Variants in GFRA3 observed in about 807,000 individuals in gnomAD.
The protein encoded by GFRA3 is GDNF family receptor alpha 3, also known as GDNF family receptor alpha-3.
GFRA3 carries 24 observed loss-of-function variants against 40.0 expected under a neutral mutation model. The observed-to-expected ratio is 0.60, with a 90% CI of 0.43 to 0.84. GFRA3 has a LOEUF of 0.84. Among genes scored for constraint, GFRA3 ranks in the 40% least tolerant of loss-of-function variants. The pLI, the probability that GFRA3 is intolerant of heterozygous loss-of-function variation, is 0.00. For synonymous variants in GFRA3, 203 were observed against 213.5 expected (o/e 0.95, Z 0.43); for missense variants, 405 against 530.6 (o/e 0.76, Z 2.33).
chr5:138,271,327 AAC>A (rs1755866445), intron 1 of GFRA3, among the ~76,000 whole-genome samples: 1 of 152,146 alleles, frequency 6.6e-6, no homozygotes, highest in Admixed American at 6.6e-5. Context: ...TTGAGTTGTA[AAC>A]ATTTTCAAAA....
At position 138,264,402 on chromosome 5, in the gene GFRA3, G is replaced by C. The variant is rs768356926; in HGVS notation, c.238C>G (p.Pro80Ala). Residue 80 changes from proline (P) to alanine (A), a missense_variant, in exon 2 of 8, where the codon CCT (proline) becomes GCT (alanine). Transcript: ENST00000274721. ...SISTPLPSEE[P>A]SVPADCLEAA... ...TCCAGGCAGTCAGCAGGGACCGAAG[G>C]CTCCTCTGAGGGCAGTGGGGTGCTT... The C allele has an allele frequency of 7.4e-6, 12 of 1,614,138 alleles. No homozygotes were observed. Among genetic ancestry groups the C allele is most frequent in the Non-Finnish European group, 1.0e-5 (12 of 1,179,998 alleles).
chr5:138,272,171 A>T (rs1755886117), intron 1 of GFRA3, among the ~76,000 whole-genome samples: 1 of 150,538 alleles, frequency 6.6e-6, no homozygotes, highest in Non-Finnish European at 1.5e-5. Context: ...ATGCCTGGCT[A>T]ATTTTTTCTA....
At chr5:138,271,903 T>G (rs1292710643) in intron 1 of GFRA3, among the ~76,000 whole-genome samples, 8,986 of 94,524 alleles carry the variant, frequency 0.095, 387 homozygotes, top group Non-Finnish European at 0.14. Flanking sequence ...TTTTTTTTTT[T>G]TTTTTTTTTT....
chr5:138,266,464 T>G (rs1442196903), intron 1 of GFRA3, among the ~76,000 whole-genome samples: 1 of 152,228 alleles, frequency 6.6e-6, no homozygotes, highest in Non-Finnish European at 1.5e-5. Flanking sequence ...TAGCCATTTG[T>G]ACATCTTCCT....
intron 1 of GFRA3, among the ~76,000 whole-genome samples, chr5:138,269,325 C>T (rs1054293134): frequency 6.6e-6 from 1 of 151,550 alleles, no homozygotes. Flanking sequence ...CACCTGAGGT[C>T]AGGAGTTCAA....
rs62381801 is a variant in GFRA3, at chr5:138,272,053, T to C, written c.91+2281A>G. 7.5e-3 allele frequency among the ~76,000 whole-genome samples: 1,122 copies of C among 149,444 alleles called. 11 individuals carry two copies. Among genetic ancestry groups the C allele is most frequent in the Non-Finnish European group, 0.013 (879 of 67,366 alleles). On this transcript the variant is annotated intron_variant, in intron 1 of 7. Coordinates refer to ENST00000274721, the MANE Select transcript of GFRA3 (RefSeq NM_001496.4). ...CGGAGTCTCGCTCTGTCACCCAGGCTGGAGTGCAGTGGCGCGATCTCAGCT... is the reference window on the plus strand; with the variant it reads ...CGGAGTCTCGCTCTGTCACCCAGGCCGGAGTGCAGTGGCGCGATCTCAGCT...
intron 2 of GFRA3, among the ~76,000 whole-genome samples, chr5:138,262,651 G>A (rs11950736): frequency 0.18 from 27,157 of 151,932 alleles, 2,540 homozygotes; most frequent in Middle Eastern, 0.19. Flanking sequence ...ATGGGAGCTC[G>A]CTATGTTGTC....
intron 1 of GFRA3, among the ~76,000 whole-genome samples, chr5:138,266,700 T>TC (rs1755790181): frequency 6.6e-6 from 1 of 151,924 alleles, no homozygotes; most frequent in Non-Finnish European, 1.5e-5. Context: ...TCTTTTCTTT[T>TC]TTTTTGAGTC....
At chr5:138,259,780 G>A in intron 2 of GFRA3, 131 bp from the exon 3 acceptor site, 1 of 691,086 alleles carries the variant, frequency 1.4e-6, no homozygotes, top group Non-Finnish European at 2.7e-6. Flanking sequence ...CTAACCAGCT[G>A]CAAGCTGTGC....
At chr5:138,262,603 C>T (rs746200653) in intron 2 of GFRA3, among the ~76,000 whole-genome samples, 21 of 152,080 alleles carry the variant, frequency 1.4e-4, no homozygotes, top group Non-Finnish European at 2.6e-4. Context: ...CAGGTGTGCA[C>T]CACCACACTC....
intron 1 of GFRA3, among the ~76,000 whole-genome samples, chr5:138,265,976 A>G (rs1039237137): frequency 2.6e-5 from 4 of 152,156 alleles, no homozygotes; most frequent in African/African-American, 9.7e-5. Flanking sequence ...GATTACAGGC[A>G]TGAGCCACCA....
chr5:138,255,772 A>T (rs141018812), intron 4 of GFRA3, among the ~76,000 whole-genome samples: 91 of 151,934 alleles, frequency 6.0e-4, no homozygotes, highest in African/African-American at 2.1e-3. Flanking sequence ...TGTGGTGTGC[A>T]CTTATAGTCC....
At chr5:138,257,237 C>G (rs1479439433) in intron 4 of GFRA3, among the ~76,000 whole-genome samples, 3 of 152,042 alleles carry the variant, frequency 2.0e-5, no homozygotes, top group African/African-American at 7.2e-5. Context: ...ACCACTACTC[C>G]ACACCACCTC....
rs150778112 is a variant in GFRA3 at position 138,253,419 on chromosome 5, G to A, written c.1025-44C>T. ...GCTCATTGGAAGGGTATGGGGGCAG[G>A]AGATTTCTCAGGCTCCCAAGGAAGG... is the stretch of plus-strand genomic sequence containing the variant. On this transcript the variant is annotated intron_variant, in intron 6 of 7. Coordinates refer to ENST00000274721, the MANE Select transcript of GFRA3 (RefSeq NM_001496.4). The A allele has an allele frequency of 5.0e-5, 62 of 1,244,472 alleles. No homozygotes were observed. In the African/African-American group the frequency reaches 7.2e-4, roughly 14 times the overall value. The allele number at this position is 1,244,472 out of a possible 1,614,324, so 77.1% of individuals were successfully genotyped here.
chr5:138,269,109 G>C (rs1227978520), intron 1 of GFRA3, among the ~76,000 whole-genome samples: 1 of 152,022 alleles, frequency 6.6e-6, no homozygotes, highest in Admixed American at 6.6e-5. Flanking sequence ...ACTACTTCAA[G>C]AATGGCCATA....
intron 4 of GFRA3, among the ~76,000 whole-genome samples, chr5:138,255,570 C>T (rs1755614325): frequency 6.6e-6 from 1 of 152,102 alleles, no homozygotes; most frequent in Non-Finnish European, 1.5e-5. Flanking sequence ...AGCAGCACAT[C>T]CTAAGTAATA....
intron 1 of GFRA3, among the ~76,000 whole-genome samples, chr5:138,272,529 G>C (rs956780664): frequency 6.6e-6 from 1 of 150,756 alleles, no homozygotes; most frequent in Non-Finnish European, 1.5e-5. Context: ...TACAGTCCCA[G>C]CTACTGGGGA....
intron 5 of GFRA3, 32 bp from the exon 6 acceptor site, chr5:138,253,932 G>T (rs182935893): frequency 6.2e-7 from 1 of 1,608,352 alleles, no homozygotes; most frequent in Admixed American, 1.7e-5. Context: ...TCAAGGCCTA[G>T]GCTAACCCTA....
chr5:138,264,593 C>G (rs754929927), intron 1 of GFRA3, 45 bp from the exon 2 acceptor site: 1 of 1,333,174 alleles, frequency 7.5e-7, no homozygotes, highest in African/African-American at 1.5e-5. Flanking sequence ...ATTAGAATAG[C>G]TGTCTGGGAA....
Sources: allele counts gnomAD v4.1 joint callset (sites outside exome capture counted in the v4.1 genomes callset), GRCh38; gene constraint gnomAD v4.1.1; transcripts MANE v1.5; gene names NCBI Gene and HGNC (gene_info 2026-07-23, HGNC 2026-07-21).